SMARCA2: variants seen among roughly 807,000 people sequenced by gnomAD.
The protein encoded by SMARCA2 is SWI/SNF-related matrix-associated actin-dependent regulator of chromatin subfamily A member 2.
SMARCA2 carries 61 observed loss-of-function variants against 199.8 expected under a neutral mutation model. That is an observed-to-expected ratio of 0.31 (90% CI 0.25 to 0.38). The LOEUF is 0.38. Ranked by LOEUF, SMARCA2 falls within the 10% of genes least tolerant of loss-of-function variation. The pLI is 1.00. For missense variants in SMARCA2, 1,344 were observed against 2,012.2 expected (o/e 0.67, Z 6.35); for synonymous variants, 935 against 732.0 (o/e 1.28, Z -4.48).
At chr9:2,111,160 G>C (rs74922975) in intron 24 of SMARCA2, among the ~76,000 whole-genome samples, 2,576 of 151,590 alleles carry the variant, frequency 0.017, 64 homozygotes, top group African/African-American at 0.059. Context: ...GTCAAGATTT[G>C]ATTCATACTG....
intron 19 of SMARCA2, among the ~76,000 whole-genome samples, chr9:2,092,772 G>T (rs1242966778): frequency 6.6e-6 from 1 of 152,148 alleles, no homozygotes; most frequent in African/African-American, 2.4e-5. Flanking sequence ...AGCTCCAGTG[G>T]CTCTCACAAA....
At position 2,123,645 on chromosome 9, in the gene SMARCA2, A is replaced by C; in HGVS notation, c.3763-74A>C. The C allele has an allele frequency of 7.8e-7, 1 of 1,284,626 alleles. No individual in the cohort carries two copies. The highest frequency in any genetic ancestry group is 1.4e-5 in the African/African-American group (1 of 69,216). The allele number at this position is 1,284,626 out of a possible 1,614,324, so 79.6% of individuals were successfully genotyped here. ...GCAGCCATAGGAAGTGACTTGGGGA[A>C]GTTGTGTAGTGCTGGGAAGTCTGCA... On this transcript the variant is annotated intron_variant, in intron 26 of 33. Coordinates refer to ENST00000349721, the MANE Select transcript of SMARCA2 (RefSeq NM_003070.5). This position sits in a 1 kb window ranked among gnomAD's most constrained non-coding sequence, Gnocchi z 4.1.
chr9:2,118,187 C>G (rs2130607650), intron 25 of SMARCA2, among the ~76,000 whole-genome samples: 1 of 152,256 alleles, frequency 6.6e-6, no homozygotes, highest in South Asian at 2.1e-4. Flanking sequence ...GGAGACATTA[C>G]CAGATATTTT....
chr9:2,184,422 G>T (rs570010270), intron 31 of SMARCA2, among the ~76,000 whole-genome samples: 7 of 144,556 alleles, frequency 4.8e-5, no homozygotes, highest in African/African-American at 1.8e-4. Context: ...GTGCCATCTC[G>T]GCTCGCTGCA....
intron 5 of SMARCA2, among the ~76,000 whole-genome samples, chr9:2,048,526 T>G (rs1034829534): frequency 1.7e-4 from 26 of 152,202 alleles, no homozygotes; most frequent in African/African-American, 5.5e-4. Flanking sequence ...TGGTAAACAG[T>G]GTCTGGGCTT....
chr9:2,025,270 C>G (rs535850444), intron 1 of SMARCA2, among the ~76,000 whole-genome samples: 1 of 151,814 alleles, frequency 6.6e-6, no homozygotes, highest in South Asian at 2.1e-4. Flanking sequence ...TGGTTTGGCC[C>G]TCGGGGAGTC....
At chr9:2,150,304 C>G (rs1824995842) in intron 27 of SMARCA2, among the ~76,000 whole-genome samples, 1 of 151,628 alleles carries the variant, frequency 6.6e-6, no homozygotes, top group Non-Finnish European at 1.5e-5. Context: ...AGCTCAAATT[C>G]TTAATAGAAG....
At chr9:2,038,526 T>C (rs1047897657) in intron 3 of SMARCA2, among the ~76,000 whole-genome samples, 2 of 152,216 alleles carry the variant, frequency 1.3e-5, no homozygotes, top group Non-Finnish European at 2.9e-5. Context: ...CAGTGACTGC[T>C]GATTGCAGGA....
At chr9:2,087,151 C>A in intron 18 of SMARCA2, 80 bp downstream of exon 18, 1 of 1,534,978 alleles carries the variant, frequency 6.5e-7, no homozygotes, top group African/African-American at 1.4e-5. Context: ...ACATTAGAGC[C>A]ACAGAACACC....
intron 28 of SMARCA2, among the ~76,000 whole-genome samples, chr9:2,165,515 G>T (rs1825890921): frequency 6.6e-6 from 1 of 152,120 alleles, no homozygotes; most frequent in Non-Finnish European, 1.5e-5. Context: ...GGTAGTACTG[G>T]TCTGTTGCTA....
intron 27 of SMARCA2, among the ~76,000 whole-genome samples, chr9:2,131,505 G>T (rs572293999): frequency 1.3e-5 from 2 of 152,288 alleles, no homozygotes; most frequent in East Asian, 1.9e-4. Flanking sequence ...AGAAGCCATA[G>T]AATTTCAAGA....
At chr9:2,064,097 C>T (rs972638290) in intron 9 of SMARCA2, among the ~76,000 whole-genome samples, 3 of 152,158 alleles carry the variant, frequency 2.0e-5, no homozygotes, top group Non-Finnish European at 2.9e-5. Context: ...GTGCGTTTAG[C>T]GTGACCTTGA....
intron 31 of SMARCA2, among the ~76,000 whole-genome samples, chr9:2,183,136 G>T (rs927890877): frequency 4.6e-5 from 7 of 152,196 alleles, no homozygotes; most frequent in African/African-American, 1.7e-4. Context: ...GTAAATCATT[G>T]AAGGTAATGC....
chr9:2,182,625 C>CCTGGGATTACAG lies in SMARCA2; in HGVS notation c.4461+384_4461+395dup, dbSNP rs879281470. Among the ~76,000 whole-genome samples the CCTGGGATTACAG allele has an allele frequency of 1.5e-3, 226 of 151,184 alleles. 1 individual carries two copies. The highest frequency in any genetic ancestry group is 2.8e-3 in the Non-Finnish European group (192 of 67,804). On this transcript the variant is annotated intron_variant, in intron 31 of 33. Coordinates refer to ENST00000349721, the MANE Select transcript of SMARCA2 (RefSeq NM_003070.5). ...TCTTCTGCTCTCAGCCTCCCAAGTACCTGGGATTACAGGCACCCACCACCA... is the reference window on the plus strand; with the variant it reads ...TCTTCTGCTCTCAGCCTCCCAAGTACCTGGGATTACAGCTGGGATTACAGGCACCCACCACCA...
At position 2,115,621 on chromosome 9, in the gene SMARCA2, A is replaced by C. The variant is rs566054066; in HGVS notation, c.3457-201A>C. 6.6e-6 allele frequency among the ~76,000 whole-genome samples: 1 copy of C among 152,310 alleles called. No homozygotes were observed. Among genetic ancestry groups the C allele is most frequent in the South Asian group, 2.1e-4 (1 of 4,826 alleles). ...AGATGTATTTCAGTTGGCTTGGTTA[A>C]TTTCAACCCAGGTTTCTTCAACTAG... is the stretch of plus-strand genomic sequence containing the variant. On this transcript the variant is annotated intron_variant, in intron 24 of 33. Transcript: ENST00000349721. This position sits in a 1 kb window ranked among gnomAD's most constrained non-coding sequence, Gnocchi z 6.0.
intron 29 of SMARCA2, among the ~76,000 whole-genome samples, chr9:2,172,007 C>G (rs887311847): frequency 6.6e-6 from 1 of 152,182 alleles, no homozygotes; most frequent in African/African-American, 2.4e-5. Context: ...CACATTTAAA[C>G]TGTAATTTCC....
intron 29 of SMARCA2, among the ~76,000 whole-genome samples, chr9:2,177,578 G>C (rs1212544934): frequency 6.6e-6 from 1 of 151,380 alleles, no homozygotes; most frequent in Non-Finnish European, 1.5e-5. Flanking sequence ...TTGAAACTGA[G>C]TTTCGCTCTC....
At chr9:2,149,196 G>T (rs369653329) in intron 27 of SMARCA2, among the ~76,000 whole-genome samples, 5 of 151,060 alleles carry the variant, frequency 3.3e-5, no homozygotes, top group Non-Finnish European at 5.9e-5. Context: ...ACATGGTGGC[G>T]GCAAGAGAAA....
chr9:2,052,449 C>T (rs975189429), intron 5 of SMARCA2, among the ~76,000 whole-genome samples: 3 of 152,180 alleles, frequency 2.0e-5, no homozygotes, highest in African/African-American at 7.2e-5. Context: ...GCACTCCAGC[C>T]TGGCCGACAG....
Sources: allele counts gnomAD v4.1 joint callset (sites outside exome capture counted in the v4.1 genomes callset), GRCh38; gene constraint gnomAD v4.1.1; non-coding constraint Gnocchi (gnomAD v3.1); transcripts MANE v1.5; gene names NCBI Gene and HGNC (gene_info 2026-07-23, HGNC 2026-07-21).